Variants in IL5RA observed in about 807,000 individuals in gnomAD.
IL5RA encodes the protein interleukin-5 receptor subunit alpha.
IL5RA carries 49 observed loss-of-function variants against 50.0 expected under a neutral mutation model. The observed-to-expected ratio is 0.98, with a 90% CI of 0.78 to 1.24. The LOEUF (loss-of-function observed/expected upper bound fraction) is 1.24, where lower values mean the gene tolerates loss of function less well. IL5RA is among the 50% of genes most tolerant of loss of function. The pLI, the probability that IL5RA is intolerant of heterozygous loss-of-function variation, is 0.00. For missense variants in IL5RA, 600 were observed against 500.4 expected, an observed-to-expected ratio of 1.20 and a Z score of -1.90; for synonymous variants, 202 against 174.0, an observed-to-expected ratio of 1.16 and a Z score of -1.26.
chr3:3,100,636 C>A, intron 5 of IL5RA, among the ~76,000 whole-genome samples: 1 of 152,146 alleles, frequency 6.6e-6, no homozygotes, highest in East Asian at 1.9e-4. Context: ...CATCCTGTAT[C>A]AGAGTGTTCA....
intron 8 of IL5RA, among the ~76,000 whole-genome samples, chr3:3,094,942 G>A (rs1703287423): frequency 6.6e-6 from 1 of 152,056 alleles, no homozygotes; most frequent in Admixed American, 6.5e-5. Flanking sequence ...GGCCAGGCTG[G>A]TCTTGAACTC....
intron 1 of IL5RA, 87 bp from the exon 2 acceptor site, chr3:3,108,778 G>A (rs1704049358): frequency 2.0e-5 from 3 of 152,242 alleles, no homozygotes; most frequent in African/African-American, 7.2e-5. Flanking sequence ...GGTCAGGAGA[G>A]CAGCAGGCTG....
rs774748525 is a variant in IL5RA, at chr3:3,098,012, T to G, written c.567A>C (p.Thr189=). Residue 189 remains threonine, a synonymous_variant, in exon 7 of 12, where the codon ACA becomes ACC. Transcript: ENST00000446632. ...ACCAGCATGCGATATTTCTCCCCAG[T>G]GTGTCTTTGCTGTATTCTTGGCATT... ...TEECQEYSKD[T]LGRNIACWFP... The G allele has an allele frequency of 6.2e-7, 1 of 1,614,196 alleles. No homozygotes were observed. The highest frequency in any genetic ancestry group is 8.5e-7 in the Non-Finnish European group (1 of 1,180,036).
intron 9 of IL5RA, among the ~76,000 whole-genome samples, chr3:3,081,830 G>A (rs1304839367): frequency 3.3e-5 from 5 of 152,182 alleles, no homozygotes; most frequent in Admixed American, 3.3e-4. Context: ...ACTGCCGGGA[G>A]GGAGGTGGCA....
chr3:3,096,488 C>T (rs904232610), intron 7 of IL5RA, among the ~76,000 whole-genome samples: 25 of 152,126 alleles, frequency 1.6e-4, no homozygotes, highest in African/African-American at 5.1e-4. Flanking sequence ...GAGTGGGATC[C>T]ACTGGCTTCA....
intron 9 of IL5RA, among the ~76,000 whole-genome samples, chr3:3,084,617 G>C (rs1702786598): frequency 6.6e-6 from 1 of 152,208 alleles, no homozygotes; most frequent in African/African-American, 2.4e-5. Flanking sequence ...AGCCCCTCTT[G>C]CTGAGTGTGG....
intron 11 of IL5RA, among the ~76,000 whole-genome samples, chr3:3,070,575 C>T (rs1231150086): frequency 5.4e-4 from 46 of 84,900 alleles, no homozygotes; most frequent in Admixed American, 9.9e-4. Flanking sequence ...GGATACACAT[C>T]TTTTTTTTTT....
intron 10 of IL5RA, among the ~76,000 whole-genome samples, chr3:3,075,431 G>C (rs1453259750): frequency 6.6e-6 from 1 of 151,590 alleles, no homozygotes; most frequent in African/African-American, 2.4e-5. Flanking sequence ...TCGAACTCTT[G>C]ACCTCAAGTG....
In IL5RA at chr3:3,067,605, A is replaced by C. The variant is rs956253221; in HGVS notation, c.*2620T>G. The C allele has an allele frequency of 6.6e-6, 1 of 152,342 alleles. No individual in the cohort carries two copies. Among genetic ancestry groups the C allele is most frequent in the Non-Finnish European group, 1.5e-5 (1 of 68,162 alleles). 9.4% of individuals were successfully genotyped at this position (152,342 alleles called of 1,614,324 possible). On this transcript the variant is annotated 3_prime_UTR_variant, in exon 12 of 12. Coordinates refer to ENST00000446632, the MANE Select transcript of IL5RA (RefSeq NM_175726.4). ...CGGGATCAACCAACTCTGCTTTTGA[A>C]GGCTTCATGGAGGAAGTGATGATGG...
In IL5RA at chr3:3,071,552, A is replaced by AGTGTGTGTGT. The variant is rs55736610; in HGVS notation, c.1177-1251_1177-1242dup. Among the ~76,000 whole-genome samples the AGTGTGTGTGT allele has an allele frequency of 1.3e-3, 179 of 136,060 alleles. 1 individual carries two copies. The highest frequency in any genetic ancestry group is 3.7e-3 in the East Asian group (17 of 4,590). The allele number at this position is 136,060 out of a possible 152,430, so 89.3% of individuals were successfully genotyped here. On this transcript the variant is annotated intron_variant, in intron 11 of 11. Transcript: ENST00000446632. ...CTAAAGGCCAACTTTCTTCCTTCAC[A>AGTGTGTGTGT]GTGTGTGTGTGTGTGTGTGTGTGTG...
At position 3,067,952 on chromosome 3, in the gene IL5RA, G is replaced by C. The variant is rs925399316; in HGVS notation, c.*2273C>G. 6.6e-6 allele frequency: 1 copy of C among 152,222 alleles called. No individual in the cohort carries two copies. The allele number at this position is 152,222 out of a possible 1,614,324, so 9.4% of individuals were successfully genotyped here. Reference sequence around the variant, plus strand: ...GCAGTTTCCACAATGCCAACTGTCTGGGTTGTGGTTTGAAAGAGATCAGAC... The same window carrying C: ...GCAGTTTCCACAATGCCAACTGTCTCGGTTGTGGTTTGAAAGAGATCAGAC... On this transcript the variant is annotated 3_prime_UTR_variant, in exon 12 of 12. Transcript: ENST00000446632.
rs189087770 is a variant in IL5RA, at chr3:3,092,223, C to G, written c.994+1G>C. 9 of 1,611,854 alleles carry G rather than the reference C, an allele frequency of 5.6e-6. No individual in the cohort carries two copies. In the East Asian group the frequency reaches 2.0e-4, roughly 36 times the overall value. On this transcript the variant is annotated splice_donor_variant, in intron 9 of 11. Coordinates refer to ENST00000446632, the MANE Select transcript of IL5RA (RefSeq NM_175726.4). LOFTEE classifies it high-confidence loss of function. This position sits in a 1 kb window ranked among gnomAD's most constrained non-coding sequence, Gnocchi z 4.2. ...ATGTAAAATAAACATAAGCTACTTA[C>G]CCACATAAATAGGTTGGCTCCACTC... is the stretch of plus-strand genomic sequence containing the variant.
At chr3:3,078,586 C>A (rs917749804) in intron 9 of IL5RA, among the ~76,000 whole-genome samples, 3 of 152,230 alleles carry the variant, frequency 2.0e-5, no homozygotes, top group African/African-American at 4.8e-5. Context: ...GTAATCCCAG[C>A]ACTTTGGGAG....
At chr3:3,074,643 G>T (rs1702414616) in intron 11 of IL5RA, 139 bp downstream of exon 11, 3 of 579,008 alleles carry the variant, frequency 5.2e-6, no homozygotes, top group Non-Finnish European at 9.3e-6. Context: ...AGAACAGAAT[G>T]ACTGAAGCAA....
At chr3:3,105,135 C>A in intron 2 of IL5RA, 148 bp from the exon 3 acceptor site, 1 of 583,562 alleles carries the variant, frequency 1.7e-6, no homozygotes. Flanking sequence ...CAAACATGAC[C>A]AAATGTTGGA....
At chr3:3,074,305 G>C (rs1350270819) in intron 11 of IL5RA, among the ~76,000 whole-genome samples, 3 of 152,200 alleles carry the variant, frequency 2.0e-5, no homozygotes, top group Non-Finnish European at 2.9e-5. Context: ...AATCTCATCT[G>C]TGTCCCTTAT....
chr3:3,070,230 A>C lies in IL5RA; in HGVS notation c.1258T>G (p.Phe420Val). The change falls in exon 12 of 12, where the codon TTT becomes GTT. Residue 420 changes from phenylalanine to valine, a missense_variant. Phe to Val is a conservative substitution (Grantham distance 50, BLOSUM62 -1). Transcript: ENST00000446632. ...AGAGGATGCCAAAGTGACAGTCAAAACACAGAATCCTCCAGGGTCTCAACT... is the reference window on the plus strand; with the variant it reads ...AGAGGATGCCAAAGTGACAGTCAAACCACAGAATCCTCCAGGGTCTCAACT... ...PGVETLEDSV[F>V] 6.2e-7 allele frequency: 1 copy of C among 1,609,602 alleles called. No individual in the cohort carries two copies. Among genetic ancestry groups the C allele is most frequent in the Non-Finnish European group, 8.5e-7 (1 of 1,176,352 alleles).
At chr3:3,094,709 T>A (rs545357697) in intron 8 of IL5RA, among the ~76,000 whole-genome samples, 45 of 151,456 alleles carry the variant, frequency 3.0e-4, no homozygotes, top group African/African-American at 1.1e-3. Context: ...GCTGCATTAT[T>A]TTAGTTTTTT....
chr3:3,087,153 G>A (rs773797475), intron 9 of IL5RA, among the ~76,000 whole-genome samples: 13 of 152,142 alleles, frequency 8.5e-5, no homozygotes, highest in Non-Finnish European at 7.4e-5. Flanking sequence ...TAAAAGCCCA[G>A]ACTTAACCAC....
Sources: gnomAD v4.1 joint callset for allele counts (sites outside exome capture counted in the v4.1 genomes callset) on GRCh38, gnomAD v4.1.1 for gene constraint, Gnocchi (gnomAD v3.1) non-coding constraint, MANE v1.5 for transcripts, NCBI Gene and HGNC (gene_info 2026-07-23, HGNC 2026-07-21) for gene names.